Variants in CTNND2 observed in about 807,000 individuals in gnomAD.
CTNND2 encodes catenin delta 2.
In CTNND2, 22 loss-of-function variants were observed where a neutral mutation model predicts 144.4. The ratio of observed to expected loss-of-function variants is 0.15; its 90% CI spans 0.11 to 0.22. CTNND2 has a LOEUF of 0.22. Among genes scored for constraint, CTNND2 ranks in the 10% least tolerant of loss-of-function variants. The pLI is 1.00. For synonymous variants in CTNND2, 751 were observed against 695.6 expected (o/e 1.08, Z -1.25); for missense variants, 1,353 against 1,618.8 (o/e 0.84, Z 2.82).
At chr5:11,169,820 A>G (rs1759720191) in intron 11 of CTNND2, among the ~76,000 whole-genome samples, 2 of 152,226 alleles carry the variant, frequency 1.3e-5, no homozygotes, top group African/African-American at 4.8e-5. Context: ...TTTAAAGAGC[A>G]TCTTGGGTTC....
chr5:11,299,327 C>G (rs573682815), intron 9 of CTNND2, among the ~76,000 whole-genome samples: 12 of 152,274 alleles, frequency 7.9e-5, no homozygotes, highest in Admixed American at 3.9e-4. Context: ...TATATACTCT[C>G]TCAACAAGCT....
chr5:11,885,600 A>C (rs561925762), intron 1 of CTNND2, among the ~76,000 whole-genome samples: 1 of 152,320 alleles, frequency 6.6e-6, no homozygotes, highest in Admixed American at 6.5e-5. Flanking sequence ...ATAATTCAAC[A>C]GTCTACTTTC....
At chr5:11,623,850 A>G (rs1194340695) in intron 2 of CTNND2, among the ~76,000 whole-genome samples, 1 of 129,806 alleles carries the variant, frequency 7.7e-6, no homozygotes, top group Admixed American at 8.1e-5. Context: ...ATATATATAT[A>G]TATGCACCAA....
chr5:11,122,199 T>C (rs549872450), intron 12 of CTNND2, among the ~76,000 whole-genome samples: 1 of 152,098 alleles, frequency 6.6e-6, no homozygotes, highest in African/African-American at 2.4e-5. Context: ...AAACTGTACC[T>C]TGTGTTACAA....
chr5:11,609,366 G>A (rs957430633), intron 2 of CTNND2, among the ~76,000 whole-genome samples: 4 of 151,884 alleles, frequency 2.6e-5, no homozygotes, highest in African/African-American at 9.7e-5. Flanking sequence ...ATAGTTGATC[G>A]AAAGTTTCAG....
At chr5:11,431,379 C>T (rs1763270521) in intron 3 of CTNND2, among the ~76,000 whole-genome samples, 1 of 152,160 alleles carries the variant, frequency 6.6e-6, no homozygotes, top group East Asian at 1.9e-4. Flanking sequence ...CGTATCCTTG[C>T]CATTTCATCC....
rs539211185 is a variant in CTNND2 at position 11,788,059 on chromosome 5, AAG to A, written c.38-55789_38-55788del. 2.0e-5 allele frequency among the ~76,000 whole-genome samples: 3 copies of A among 152,354 alleles called. No individual in the cohort carries two copies. The South Asian group carries it at 6.2e-4, about 32-fold the overall frequency. ...GAAATGATATTTGAAAGTGTTTTTT[AAG>A]AAGATTTCAAAACAGAACTCATTAC... On this transcript the variant is annotated intron_variant, in intron 1 of 21. Transcript: ENST00000304623.
At chr5:11,202,803 T>TTCC (rs1561014920) in intron 10 of CTNND2, among the ~76,000 whole-genome samples, 1 of 152,156 alleles carries the variant, frequency 6.6e-6, no homozygotes. Flanking sequence ...TTTTTTTCTT[T>TTCC]TTCTTTTTCT....
At chr5:11,785,664 A>T (rs1561794846) in intron 1 of CTNND2, among the ~76,000 whole-genome samples, 1 of 152,192 alleles carries the variant, frequency 6.6e-6, no homozygotes, top group Non-Finnish European at 1.5e-5. Context: ...TGGAAAAAAA[A>T]AAATCCTAAA....
Position 11,479,418 on chromosome 5 carries a change from A to G in CTNND2, c.288-67349T>C, listed in dbSNP as rs760846378. Among the ~76,000 whole-genome samples, 59 of 152,328 alleles carry G rather than the reference A, an allele frequency of 3.9e-4. 1 individual carries two copies. Among genetic ancestry groups the G allele is most frequent in the South Asian group, 2.1e-4 (1 of 4,826 alleles). Reference sequence around the variant, plus strand: ...GTACCTTTGATGGGCATTTAGGTAGATAACATGTCTTTGCTATTGTGAATA... The same window carrying G: ...GTACCTTTGATGGGCATTTAGGTAGGTAACATGTCTTTGCTATTGTGAATA... On this transcript the variant is annotated intron_variant, in intron 3 of 21. Transcript: ENST00000304623.
chr5:11,579,263 A>C (rs1375821495), intron 2 of CTNND2, among the ~76,000 whole-genome samples: 1 of 152,110 alleles, frequency 6.6e-6, no homozygotes, highest in East Asian at 1.9e-4. Context: ...ACTTGTAAGA[A>C]TGTAGCAGTG....
intron 11 of CTNND2, among the ~76,000 whole-genome samples, chr5:11,192,714 C>A (rs1017348806): frequency 6.6e-6 from 1 of 152,148 alleles, no homozygotes; most frequent in African/African-American, 2.4e-5. Flanking sequence ...TCCCCTAGAG[C>A]GTCCTGAAAG....
At chr5:11,020,800 C>T (rs1031125578) in intron 17 of CTNND2, among the ~76,000 whole-genome samples, 1 of 152,044 alleles carries the variant, frequency 6.6e-6, no homozygotes, top group Non-Finnish European at 1.5e-5. Context: ...AGAACTGTAA[C>T]CAGGAAGATG....
At chr5:11,350,101 C>T (rs1239467654) in intron 8 of CTNND2, among the ~76,000 whole-genome samples, 3 of 152,048 alleles carry the variant, frequency 2.0e-5, no homozygotes, top group South Asian at 4.1e-4. Flanking sequence ...CGTGCCATTG[C>T]ACTCCAGCTT....
intron 1 of CTNND2, among the ~76,000 whole-genome samples, chr5:11,888,279 G>C (rs986641954): frequency 6.6e-6 from 1 of 152,160 alleles, no homozygotes; most frequent in African/African-American, 2.4e-5. Context: ...ACAACCTTAC[G>C]ACTAGGCTAA....
At chr5:11,164,240 CT>C (rs2149775985) in intron 11 of CTNND2, among the ~76,000 whole-genome samples, 1 of 152,272 alleles carries the variant, frequency 6.6e-6, no homozygotes, top group African/African-American at 2.4e-5. Context: ...TTAGTCATAC[CT>C]GCAAAGTCCC....
At chr5:11,619,400 T>C (rs1478572544) in intron 2 of CTNND2, among the ~76,000 whole-genome samples, 1 of 152,220 alleles carries the variant, frequency 6.6e-6, no homozygotes, top group Admixed American at 6.5e-5. Context: ...AGAGTGAGAC[T>C]GTGTCTCAAA....
chr5:11,261,890 T>G (rs553757418), intron 9 of CTNND2, among the ~76,000 whole-genome samples: 1 of 152,340 alleles, frequency 6.6e-6, no homozygotes, highest in African/African-American at 2.4e-5. Context: ...AACAACTCAA[T>G]GACTACTCAG....
intron 2 of CTNND2, among the ~76,000 whole-genome samples, chr5:11,605,979 A>G (rs1004214046): frequency 3.3e-5 from 5 of 152,186 alleles, no homozygotes; most frequent in African/African-American, 9.7e-5. Flanking sequence ...GGTTAACCCA[A>G]TCTAATCACA....
Sources: gnomAD v4.1 joint callset for allele counts (sites outside exome capture counted in the v4.1 genomes callset) on GRCh38, gnomAD v4.1.1 for gene constraint, MANE v1.5 for transcripts, NCBI Gene and HGNC (gene_info 2026-07-23, HGNC 2026-07-21) for gene names.